Variants in PTPN11 observed in about 807,000 individuals in gnomAD.
The protein encoded by PTPN11 is tyrosine-protein phosphatase non-receptor type 11.
In PTPN11, 6 loss-of-function variants were observed where a neutral mutation model predicts 78.8. The observed-to-expected ratio is 0.08, with a 90% CI of 0.04 to 0.15. The LOEUF is 0.15. Ranked by LOEUF, PTPN11 falls within the 10% of genes least tolerant of loss-of-function variation. The pLI is 1.00. For synonymous variants in PTPN11, 221 were observed against 263.5 expected, an observed-to-expected ratio of 0.84 and a Z score of 1.56; for missense variants, 386 against 744.8, an observed-to-expected ratio of 0.52 and a Z score of 5.61.
intron 13 of PTPN11, among the ~76,000 whole-genome samples, chr12:112,500,701 C>T (rs1423881200): frequency 6.6e-6 from 1 of 152,212 alleles, no homozygotes; most frequent in Non-Finnish European, 1.5e-5. Flanking sequence ...AAGCGATTCT[C>T]ATGCCTCAGC....
Position 112,454,647 on chromosome 12 carries a change from G to A in PTPN11, c.609G>A (p.Val203=). ...LVEHYKKNPM[V]ETLGTVLQLK... ...AACATTATAAGAAGAATCCTATGGT[G>A]GAAACATTGGGTACAGTACTACAAC... The change falls in exon 5 of 16, where the codon GTG becomes GTA. Residue 203 remains valine (V), a synonymous_variant. Coordinates refer to ENST00000351677, the MANE Select transcript of PTPN11 (RefSeq NM_002834.5). 1 of 1,613,230 alleles carries A rather than the reference G, an allele frequency of 6.2e-7. No individual in the cohort carries two copies. Among genetic ancestry groups the A allele is most frequent in the Non-Finnish European group, 8.5e-7 (1 of 1,179,314 alleles).
intron 1 of PTPN11, among the ~76,000 whole-genome samples, chr12:112,428,503 C>A (rs1367902549): frequency 7.2e-6 from 1 of 138,008 alleles, no homozygotes; most frequent in African/African-American, 2.7e-5. Context: ...TGTTCTTTAT[C>A]TTCTCTTACT....
At chr12:112,451,390 C>G (rs1452453802) in intron 3 of PTPN11, among the ~76,000 whole-genome samples, 2 of 152,158 alleles carry the variant, frequency 1.3e-5, no homozygotes, top group Non-Finnish European at 2.9e-5. Context: ...CCCTTAACAC[C>G]ACCTGCCATG....
chr12:112,497,048 T>C (rs1665652477), intron 13 of PTPN11, among the ~76,000 whole-genome samples: 1 of 151,912 alleles, frequency 6.6e-6, no homozygotes, highest in African/African-American at 2.4e-5. Context: ...GGTGTGTGCC[T>C]GTAATCCCAG....
chr12:112,496,419 G>A (rs1432918697), intron 13 of PTPN11, among the ~76,000 whole-genome samples: 1 of 152,148 alleles, frequency 6.6e-6, no homozygotes, highest in Non-Finnish European at 1.5e-5. Flanking sequence ...TGGGTGTTGG[G>A]TGTGCTCATT....
chr12:112,490,516 AG>A (rs2038733025), intron 13 of PTPN11, among the ~76,000 whole-genome samples: 1 of 152,128 alleles, frequency 6.6e-6, no homozygotes. Context: ...CATGTTGCCC[AG>A]GCTAGTCTCG....
At chr12:112,452,139 G>C (rs1392944049) in intron 3 of PTPN11, among the ~76,000 whole-genome samples, 1 of 152,142 alleles carries the variant, frequency 6.6e-6, no homozygotes, top group East Asian at 1.9e-4. Flanking sequence ...ACCTCTCAAA[G>C]TGCTGGGATT....
At chr12:112,499,465 G>A (rs2038848747) in intron 13 of PTPN11, among the ~76,000 whole-genome samples, 1 of 151,898 alleles carries the variant, frequency 6.6e-6, no homozygotes. Context: ...TCAGCCTCCT[G>A]AGTAGCTGGG....
intron 1 of PTPN11, among the ~76,000 whole-genome samples, chr12:112,444,929 C>T (rs2037966838): frequency 6.6e-6 from 1 of 152,062 alleles, no homozygotes; most frequent in Non-Finnish European, 1.5e-5. Flanking sequence ...GAGGCCAGTT[C>T]CTTTCATTGG....
chr12:112,422,579 C>T (rs1249329694), intron 1 of PTPN11, among the ~76,000 whole-genome samples: 3 of 152,182 alleles, frequency 2.0e-5, no homozygotes, highest in Non-Finnish European at 4.4e-5. Context: ...TGGTTTATCT[C>T]TTGCAGGTCA....
chr12:112,422,681 T>A (rs2037541713), intron 1 of PTPN11, among the ~76,000 whole-genome samples: 1 of 152,198 alleles, frequency 6.6e-6, no homozygotes, highest in Non-Finnish European at 1.5e-5. Flanking sequence ...ATAACAGTTC[T>A]GTGTCTTTGC....
intron 9 of PTPN11, among the ~76,000 whole-genome samples, chr12:112,478,730 T>C (rs529363207): frequency 6.6e-6 from 1 of 152,272 alleles, no homozygotes; most frequent in East Asian, 1.9e-4. Context: ...GGAGTATTTC[T>C]GTTGTTGTTT....
At chr12:112,436,215 G>A (rs1408875527) in intron 1 of PTPN11, among the ~76,000 whole-genome samples, 1 of 152,068 alleles carries the variant, frequency 6.6e-6, no homozygotes, top group Non-Finnish European at 1.5e-5. Flanking sequence ...TAGAGTAATT[G>A]CATATTAATG....
intron 14 of PTPN11, among the ~76,000 whole-genome samples, chr12:112,502,473 C>T (rs1253979794): frequency 2.6e-5 from 4 of 152,108 alleles, no homozygotes; most frequent in Admixed American, 6.5e-5. Context: ...TGGCCAGGCA[C>T]GGTGGCTAAC....
chr12:112,496,755 T>A (rs918408437), intron 13 of PTPN11, among the ~76,000 whole-genome samples: 2 of 152,218 alleles, frequency 1.3e-5, no homozygotes, highest in African/African-American at 4.8e-5. Flanking sequence ...CCTATACCCA[T>A]GTGAGAATTG....
At chr12:112,470,772 AT>A (rs1048791638) in intron 6 of PTPN11, among the ~76,000 whole-genome samples, 18 of 152,028 alleles carry the variant, frequency 1.2e-4, no homozygotes, top group African/African-American at 4.3e-4. Context: ...CCCGGTATGT[AT>A]TTTTTTGTTG....
chr12:112,456,858 A>G (rs535715866), intron 6 of PTPN11, among the ~76,000 whole-genome samples: 1 of 152,074 alleles, frequency 6.6e-6, no homozygotes, highest in South Asian at 2.1e-4. Flanking sequence ...GACGTGCCAA[A>G]TGTGGTGGCT....
chr12:112,481,784 G>A (rs374032989), intron 9 of PTPN11, among the ~76,000 whole-genome samples: 2 of 151,876 alleles, frequency 1.3e-5, no homozygotes, highest in African/African-American at 2.4e-5. Context: ...GAGCCACTGC[G>A]CCCCAGCTGA....
intron 1 of PTPN11, among the ~76,000 whole-genome samples, chr12:112,429,031 G>C (rs909051565): frequency 6.6e-6 from 1 of 152,178 alleles, no homozygotes; most frequent in African/African-American, 2.4e-5. Flanking sequence ...ACAGGCGTGA[G>C]CCACCGCGTC....
Sources: gnomAD v4.1 joint callset for allele counts (sites outside exome capture counted in the v4.1 genomes callset) on GRCh38, gnomAD v4.1.1 for gene constraint, MANE v1.5 for transcripts, NCBI Gene and HGNC (gene_info 2026-07-23, HGNC 2026-07-21) for gene names.